Variants in MACF1 observed in about 807,000 individuals in gnomAD.
The protein encoded by MACF1 is microtubule actin crosslinking factor 1.
Under a neutral mutation model 854.8 loss-of-function variants are expected in MACF1, and 193 were observed. That is an observed-to-expected ratio of 0.23 (90% confidence interval 0.20 to 0.25). The LOEUF (loss-of-function observed/expected upper bound fraction) is 0.25, where lower values mean the gene tolerates loss of function less well. Among genes scored for constraint, MACF1 ranks in the 10% least tolerant of loss-of-function variants. The pLI is 1.00. For missense variants in MACF1, 7,722 were observed against 8,929.1 expected (o/e 0.86, Z 5.45); for synonymous variants, 3,185 against 3,226.7 (o/e 0.99, Z 0.44).
intron 2 of MACF1, among the ~76,000 whole-genome samples, chr1:39,174,000 G>A (rs1269686510): frequency 6.6e-6 from 1 of 152,072 alleles, no homozygotes; most frequent in Non-Finnish European, 1.5e-5. Context: ...GGGGTGTAGG[G>A]GAAGGAATGA....
intron 91 of MACF1, 34 bp downstream of exon 91, chr1:39,459,283 A>C: frequency 6.3e-7 from 1 of 1,582,712 alleles, no homozygotes; most frequent in Non-Finnish European, 8.6e-7. Context: ...CCCTGAAACA[A>C]AGTGCTTTTT....
chr1:39,360,055 A>ATG (rs1648027683), intron 47 of MACF1, among the ~76,000 whole-genome samples: 1 of 68,070 alleles, frequency 1.5e-5, no homozygotes, highest in Non-Finnish European at 3.3e-5. Flanking sequence ...ATATATATAC[A>ATG]CACACACACA....
At position 39,401,477 on chromosome 1, in the gene MACF1, C is replaced by T. The variant is rs940196622; in HGVS notation, c.15816+12819C>T. On this transcript the variant is annotated intron_variant, in intron 58 of 100. Coordinates refer to ENST00000564288, the MANE Select transcript of MACF1 (RefSeq NM_001394062.1). ...CATTGAGGGCTGAGCCAAAAAATAT[C>T]GGCAGAGTTTCAGAAGCAAGCAGCT... Among the ~76,000 whole-genome samples, 3 of 152,292 alleles carry T rather than the reference C, an allele frequency of 2.0e-5. 1 individual carries two copies. Among genetic ancestry groups the T allele is most frequent in the Middle Eastern group, 6.8e-3 (2 of 294 alleles).
intron 53 of MACF1, 142 bp downstream of exon 53, chr1:39,378,665 G>A (rs1649920282): frequency 9.3e-6 from 7 of 749,414 alleles, no homozygotes. Flanking sequence ...AGAAGCAACT[G>A]TGGTTTGCTG....
At chr1:39,285,546 G>A in intron 13 of MACF1, 58 bp from the exon 14 acceptor site, 1 of 1,555,126 alleles carries the variant, frequency 6.4e-7, no homozygotes, top group South Asian at 1.1e-5. Flanking sequence ...GGCTCCCTCT[G>A]TCCTAGTGAG....
intron 2 of MACF1, among the ~76,000 whole-genome samples, chr1:39,117,681 T>A (rs781400807): frequency 6.6e-6 from 1 of 152,150 alleles, no homozygotes; most frequent in Non-Finnish European, 1.5e-5. Flanking sequence ...TCAGCAAAAA[T>A]GTCTCTGTTA....
At position 39,333,114 on chromosome 1, in the gene MACF1, C is replaced by A; in HGVS notation, c.6526C>A (p.His2176Asn). The change falls in exon 37 of 101, where the codon CAC becomes AAC. Residue 2176 changes from histidine to asparagine, a missense_variant. Transcript: ENST00000564288. ...TSFTCQNEQAHTLETEYIHDE... is the reference protein window; with the variant it reads ...TSFTCQNEQANTLETEYIHDE... ...CTTTACATGTCAGAATGAACAAGCACACACTCTTGAGACTGAATATATTCA... is the reference window on the plus strand; with the variant it reads ...CTTTACATGTCAGAATGAACAAGCAAACACTCTTGAGACTGAATATATTCA... 6.2e-7 allele frequency: 1 copy of A among 1,614,150 alleles called. No homozygotes were observed. Among genetic ancestry groups the A allele is most frequent in the Non-Finnish European group, 8.5e-7 (1 of 1,180,036 alleles).
At chr1:39,171,887 A>G (rs1643954600) in intron 2 of MACF1, among the ~76,000 whole-genome samples, 1 of 152,208 alleles carries the variant, frequency 6.6e-6, no homozygotes, top group South Asian at 2.1e-4. Context: ...CAGCCTCTCA[A>G]AGTGCTGGGA....
In MACF1 at chr1:39,249,979, A is replaced by G. The variant is rs749455426; in HGVS notation, c.172-35A>G. The G allele has an allele frequency of 7.3e-6, 9 of 1,237,512 alleles. No individual in the cohort carries two copies. The East Asian group carries it at 2.1e-4, about 29-fold the overall frequency. 76.7% of individuals were successfully genotyped at this position (1,237,512 alleles called of 1,614,324 possible). Reference sequence around the variant, plus strand: ...GTGGATAGTATAATAATTCAATATCAAATAAAAATCTGTCTGTTTCACTCT... The same window carrying G: ...GTGGATAGTATAATAATTCAATATCGAATAAAAATCTGTCTGTTTCACTCT... On this transcript the variant is annotated intron_variant, in intron 2 of 100. Transcript: ENST00000564288.
Position 39,233,254 on chromosome 1 carries a change from G to A in MACF1, c.171+2011G>A, listed in dbSNP as rs181424141. Among the ~76,000 whole-genome samples the A allele has an allele frequency of 8.1e-3, 1,235 of 152,144 alleles. 17 individuals carry two copies. Among genetic ancestry groups the A allele is most frequent in the African/African-American group, 0.028 (1,167 of 41,500 alleles). On this transcript the variant is annotated intron_variant, in intron 2 of 100. Transcript: ENST00000564288. ...TCTCCACGTTAGTCAGGCTGGTCTC[G>A]AACTCCCAACCTCAGGTGATCCACC...
chr1:39,452,656 T>C, intron 86 of MACF1, 28 bp from the exon 87 acceptor site: 1 of 1,611,672 alleles, frequency 6.2e-7, no homozygotes, highest in Non-Finnish European at 8.5e-7. Context: ...CAGAGAGAGG[T>C]TGAATCTTTT....
intron 7 of MACF1, 27 bp downstream of exon 7, chr1:39,282,401 C>T (rs1645564421): frequency 1.9e-6 from 3 of 1,596,880 alleles, no homozygotes; most frequent in Non-Finnish European, 2.6e-6. Flanking sequence ...TTCTGTGCTC[C>T]TGCAGGGCTT....
chr1:39,432,988 C>A (rs891874358), intron 67 of MACF1, 60 bp from the exon 68 acceptor site: 1 of 1,084,870 alleles, frequency 9.2e-7, no homozygotes, highest in Non-Finnish European at 1.4e-6. Context: ...TTTGTCTTAA[C>A]CTTTAGTAAT....
At chr1:39,438,682 G>C (rs765267733) in intron 71 of MACF1, among the ~76,000 whole-genome samples, 2 of 152,178 alleles carry the variant, frequency 1.3e-5, no homozygotes, top group Admixed American at 6.5e-5. Context: ...GGAGGCTGAG[G>C]CAGGAGAATC....
chr1:39,368,291 G>A lies in MACF1; in HGVS notation c.12915G>A (p.Glu4305=). The part of the protein sequence containing the change: ...RVQNLRKDFT[E]LQKTVKEREK... ...AGAATCTAAGAAAAGACTTCACAGA[G>A]CTACAGAAGACAGTTAAAGAGAGGT... Residue 4305 remains glutamate (E), a synonymous_variant, in exon 50 of 101, where the codon GAG becomes GAA. Transcript: ENST00000564288. The A allele has an allele frequency of 6.2e-7, 1 of 1,613,888 alleles. No homozygotes were observed. Among genetic ancestry groups the A allele is most frequent in the Non-Finnish European group, 8.5e-7 (1 of 1,179,882 alleles).
intron 2 of MACF1, among the ~76,000 whole-genome samples, chr1:39,161,383 G>A (rs1255577458): frequency 1.3e-5 from 2 of 152,032 alleles, no homozygotes; most frequent in African/African-American, 4.8e-5. Flanking sequence ...ATTTATGATA[G>A]GACTATGAGA....
At chr1:39,418,907 G>A (rs1219577918) in intron 58 of MACF1, among the ~76,000 whole-genome samples, 1 of 152,100 alleles carries the variant, frequency 6.6e-6, no homozygotes, top group Non-Finnish European at 1.5e-5. Context: ...GTTTTAAGGA[G>A]TTCTTTGGGA....
At chr1:39,432,136 GACTCATCCGTCTACTGCCATATTA>G (rs1643885781) in intron 66 of MACF1, among the ~76,000 whole-genome samples, 1 of 152,190 alleles carries the variant, frequency 6.6e-6, no homozygotes, top group Non-Finnish European at 1.5e-5. Flanking sequence ...GAGTTAACTT[GACTCATCCGTCTACTGCCATATTA>G]GGTTTATATT....
chr1:39,159,421 C>T (rs1348759502), intron 2 of MACF1, among the ~76,000 whole-genome samples: 1 of 152,154 alleles, frequency 6.6e-6, no homozygotes, highest in Non-Finnish European at 1.5e-5. Flanking sequence ...CTTGTGTCTA[C>T]AGTGAGTCAG....
Sources: allele counts gnomAD v4.1 joint callset (sites outside exome capture counted in the v4.1 genomes callset), GRCh38; gene constraint gnomAD v4.1.1; transcripts MANE v1.5; gene names NCBI Gene and HGNC (gene_info 2026-07-23, HGNC 2026-07-21).